ACACA: variants seen among roughly 807,000 people sequenced by gnomAD.
The protein encoded by ACACA is acetyl-CoA carboxylase alpha.
A neutral mutation model predicts 296.1 loss-of-function variants in ACACA; 103 were observed. That is an observed-to-expected ratio of 0.35 (90% CI 0.30 to 0.41). The LOEUF is 0.41. ACACA is among the 10% of genes least tolerant of loss of function. The probability of loss-of-function intolerance (pLI) is 1.00; values close to 1 mark genes in which losing one functional copy is unlikely to be tolerated. For missense variants in ACACA, 1,554 were observed against 2,989.7 expected (o/e 0.52, Z 11.20); for synonymous variants, 953 against 1,038.6 (o/e 0.92, Z 1.58).
chr17:37,388,428 T>A (rs2050644557), intron 1 of ACACA, among the ~76,000 whole-genome samples: 1 of 152,078 alleles, frequency 6.6e-6, no homozygotes, highest in Non-Finnish European at 1.5e-5. Flanking sequence ...AAATCCCCAA[T>A]TCCAGGGAAG....
intron 35 of ACACA, among the ~76,000 whole-genome samples, chr17:37,199,451 C>A (rs570430174): frequency 1.3e-5 from 2 of 152,158 alleles, no homozygotes; most frequent in African/African-American, 4.8e-5. Context: ...GGATGCCAGG[C>A]TATTAACTTA....
intron 25 of ACACA, among the ~76,000 whole-genome samples, chr17:37,230,538 A>G (rs1169365859): frequency 6.6e-6 from 1 of 152,192 alleles, no homozygotes; most frequent in Non-Finnish European, 1.5e-5. Context: ...CATCATTAAT[A>G]CTTAGAAAAA....
chr17:37,283,165 T>C (rs1721836427), intron 5 of ACACA, 102 bp downstream of exon 5: 3 of 1,392,270 alleles, frequency 2.2e-6, no homozygotes, highest in South Asian at 2.4e-5. Flanking sequence ...TTGGAAGTCC[T>C]ATGTTTGGGA....
chr17:37,405,345 G>C (rs772619721), intron 1 of ACACA, among the ~76,000 whole-genome samples: 2 of 152,072 alleles, frequency 1.3e-5, no homozygotes, highest in African/African-American at 2.4e-5. Flanking sequence ...AGCTCCATGA[G>C]GCAGAGACTT....
intron 45 of ACACA, among the ~76,000 whole-genome samples, chr17:37,145,534 A>G (rs1463164663): frequency 6.6e-6 from 1 of 152,172 alleles, no homozygotes; most frequent in Admixed American, 6.5e-5. Context: ...CGACCGGACC[A>G]CCTTCTCTTA....
In ACACA at chr17:37,114,388, C is replaced by T. The variant is rs570005614; in HGVS notation, c.6275-1123G>A. Among the ~76,000 whole-genome samples the T allele has an allele frequency of 5.3e-5, 8 of 151,858 alleles. No individual in the cohort carries two copies. In the South Asian group the frequency reaches 1.7e-3, roughly 32 times the overall value. Reference sequence around the variant, plus strand: ...TCTCTACAAAAACCAAAAAAATTAGCAAAACATGGTGGCACATTCCCATAG... The same window carrying T: ...TCTCTACAAAAACCAAAAAAATTAGTAAAACATGGTGGCACATTCCCATAG... On this transcript the variant is annotated intron_variant, in intron 50 of 55. Transcript: ENST00000616317.
At chr17:37,327,788 A>AT (rs1305271247) in intron 3 of ACACA, among the ~76,000 whole-genome samples, 1 of 152,204 alleles carries the variant, frequency 6.6e-6, no homozygotes, top group East Asian at 1.9e-4. Flanking sequence ...GCACTACGAC[A>AT]TTTTGAGTAG....
Position 37,330,371 on chromosome 17 carries a change from G to A in ACACA, c.140C>T (p.Pro47Leu). 6 of 1,614,186 alleles carry A rather than the reference G, an allele frequency of 3.7e-6. No homozygotes were observed. The South Asian group carries it at 4.4e-5, about 12-fold the overall frequency. The change falls in exon 3 of 56, where the codon CCT becomes CTT. Residue 47 changes from proline (P) to leucine (L), a missense_variant. Pro to Leu is a moderately conservative substitution (Grantham distance 98). Around this residue, in one of 16 missense-constraint regions of ACACA, gnomAD observed 140 missense variants for 147.7 expected, o/e 0.95. Coordinates refer to ENST00000616317, the MANE Select transcript of ACACA (RefSeq NM_198834.3). ...TCGAGAGTGCTGGTTCAGCTCCAGA[G>A]GTTGGGCCAAGGGAGATGGTTCATC... is the stretch of plus-strand genomic sequence containing the variant. ...IMDEPSPLAQ[P>L]LELNQHSRFI...
chr17:37,310,313 T>C (rs1402022233), intron 3 of ACACA, among the ~76,000 whole-genome samples: 2 of 151,958 alleles, frequency 1.3e-5, no homozygotes, highest in African/African-American at 4.8e-5. Context: ...TGTGGAAGAT[T>C]GGGGGAGGAT....
intron 1 of ACACA, among the ~76,000 whole-genome samples, chr17:37,353,311 T>C (rs928303619): frequency 2.0e-5 from 3 of 151,914 alleles, no homozygotes; most frequent in Non-Finnish European, 2.9e-5. Context: ...GTAAAATATA[T>C]ACACAACTAA....
chr17:37,231,937 G>A (rs1040730753), intron 25 of ACACA, among the ~76,000 whole-genome samples: 1 of 152,178 alleles, frequency 6.6e-6, no homozygotes, highest in Non-Finnish European at 1.5e-5. Flanking sequence ...AAAAATAAAT[G>A]TACTATTGGT....
At chr17:37,289,594 T>C (rs1243045063) in intron 3 of ACACA, 5 of 914,804 alleles carry the variant, frequency 5.5e-6, no homozygotes, top group Non-Finnish European at 8.0e-6. Flanking sequence ...CTTCCATTTT[T>C]CCATTACCCC....
chr17:37,287,245 T>C (rs2082818226), intron 3 of ACACA, among the ~76,000 whole-genome samples: 1 of 152,224 alleles, frequency 6.6e-6, no homozygotes, highest in African/African-American at 2.4e-5. Flanking sequence ...GATTAAAATC[T>C]TCCCACATGC....
chr17:37,228,929 G>T (rs544545410), intron 25 of ACACA, among the ~76,000 whole-genome samples: 115 of 152,226 alleles, frequency 7.6e-4, no homozygotes, highest in Non-Finnish European at 1.5e-3. Context: ...GGATCACGAG[G>T]TCAGGAGATC....
At chr17:37,274,926 AT>A (rs2082212797) in intron 8 of ACACA, among the ~76,000 whole-genome samples, 1 of 151,896 alleles carries the variant, frequency 6.6e-6, no homozygotes, top group South Asian at 2.1e-4. Context: ...GACAGTGGTC[AT>A]TCCCATTTAA....
At chr17:37,157,973 G>C (rs1393077961) in intron 42 of ACACA, among the ~76,000 whole-genome samples, 2 of 152,186 alleles carry the variant, frequency 1.3e-5, no homozygotes, top group African/African-American at 4.8e-5. Flanking sequence ...CTAGTAAGTA[G>C]CTGTGGAATT....
Position 37,113,232 on chromosome 17 carries a change from T to A in ACACA, c.6308A>T (p.Tyr2103Phe). 6.2e-7 allele frequency: 1 copy of A among 1,614,242 alleles called. No individual in the cohort carries two copies. The highest frequency in any genetic ancestry group is 8.5e-7 in the Non-Finnish European group (1 of 1,180,034). ...MYDQVLKFGA[Y>F]IVDGLRECCQ... ...GCACTCCCTCAAGCCATCCACAATG[T>A]AAGCACCAAACTTCAGCACTTGGTC... The change falls in exon 51 of 56, where the codon TAC becomes TTC. Residue 2103 changes from tyrosine (Y) to phenylalanine (F), a missense_variant. Physicochemically the swap from Tyr to Phe is conservative, Grantham distance 22. Coordinates refer to ENST00000616317, the MANE Select transcript of ACACA (RefSeq NM_198834.3). The surrounding 1 kb of genome is among the most constrained non-coding windows in gnomAD (Gnocchi z 4.0).
chr17:37,264,352 A>G (rs772326726), intron 10 of ACACA, among the ~76,000 whole-genome samples: 4 of 152,232 alleles, frequency 2.6e-5, no homozygotes, highest in Non-Finnish European at 5.9e-5. Flanking sequence ...TGGGGACAGA[A>G]TTCTAAAATG....
At chr17:37,325,051 A>G (rs551479103) in intron 3 of ACACA, among the ~76,000 whole-genome samples, 1 of 150,088 alleles carries the variant, frequency 6.7e-6, no homozygotes, top group African/African-American at 2.4e-5. Flanking sequence ...AAATACAAAA[A>G]TTAGCCGGGC....
Sources: gnomAD v4.1 joint callset for allele counts (sites outside exome capture counted in the v4.1 genomes callset) on GRCh38, gnomAD v4.1.1 for gene constraint, gnomAD v4.1.1 regional missense constraint, Gnocchi (gnomAD v3.1) non-coding constraint, MANE v1.5 for transcripts, NCBI Gene and HGNC (gene_info 2026-07-23, HGNC 2026-07-21) for gene names.